Variants in PKD1L1 observed in about 807,000 individuals in gnomAD.
PKD1L1 encodes the protein polycystin 1 like 1, transient receptor potential channel interacting.
PKD1L1 carries 236 observed loss-of-function variants against 323.4 expected under a neutral mutation model. The observed-to-expected ratio is 0.73, with a 90% CI of 0.66 to 0.81. PKD1L1 has a LOEUF of 0.81. Ranked by LOEUF, PKD1L1 falls within the 40% of genes least tolerant of loss-of-function variation. The pLI is 0.00. For missense variants in PKD1L1, 3,320 were observed against 3,508.0 expected (o/e 0.95, Z 1.35); for synonymous variants, 1,344 against 1,335.0 (o/e 1.01, Z -0.15).
chr7:47,846,018 G>A (rs1292011810), intron 32 of PKD1L1, among the ~76,000 whole-genome samples: 1 of 152,222 alleles, frequency 6.6e-6, no homozygotes, highest in Non-Finnish European at 1.5e-5. Flanking sequence ...TTACCAGTAA[G>A]TTTGGATGTG....
chr7:47,960,326 G>C, the PKD1L1 span, among the ~76,000 whole-genome samples: 1 of 130,342 alleles, frequency 7.7e-6, no homozygotes, highest in African/African-American at 3.0e-5. Flanking sequence ...CTATGACCCT[G>C]CCAAATCCCC....
At chr7:47,910,863 T>TGTGTGTGTGTGTGTGTGTGTG (rs1554411357) in intron 8 of PKD1L1, among the ~76,000 whole-genome samples, 2 of 150,940 alleles carry the variant, frequency 1.3e-5, no homozygotes, top group African/African-American at 4.9e-5. Flanking sequence ...TGTGTGTGTA[T>TGTGTGTGTGTGTGTGTGTGTG]TTTTAGTAGA....
intron 30 of PKD1L1, 58 bp from the exon 31 acceptor site, chr7:47,853,285 T>C (rs1785821899): frequency 1.6e-6 from 2 of 1,234,590 alleles, no homozygotes; most frequent in South Asian, 1.2e-5. Flanking sequence ...TCAAAGGTTT[T>C]AGTCAAATTT....
the PKD1L1 span, among the ~76,000 whole-genome samples, chr7:47,955,705 C>T: frequency 6.6e-6 from 1 of 152,102 alleles, no homozygotes; most frequent in Non-Finnish European, 1.5e-5. Flanking sequence ...TGATTATAAC[C>T]TTTGTGTAAA....
intron 24 of PKD1L1, among the ~76,000 whole-genome samples, chr7:47,871,266 T>C (rs1273514258): frequency 6.6e-6 from 1 of 152,186 alleles, no homozygotes; most frequent in Non-Finnish European, 1.5e-5. Flanking sequence ...TTTGTGCTAT[T>C]ATAATAAAAT....
At chr7:47,854,285 A>G (rs2128741425) in intron 30 of PKD1L1, among the ~76,000 whole-genome samples, 1 of 152,292 alleles carries the variant, frequency 6.6e-6, no homozygotes, top group East Asian at 1.9e-4. Context: ...TCTTTGCCAC[A>G]TAGACTAAAC....
Position 47,885,807 on chromosome 7 carries a change from C to T in PKD1L1, c.3084G>A (p.Leu1028=). The change falls in exon 18 of 57, where the codon CTG becomes CTA. Residue 1028 remains leucine, a synonymous_variant. Coordinates refer to ENST00000289672, the MANE Select transcript of PKD1L1 (RefSeq NM_138295.5). Reference sequence around the variant, plus strand: ...GTGAACCTTCCTCTGGAGCCTCCCCCAGGACTGCAGAGTCCCCCGCAGGAG... The same window carrying T: ...GTGAACCTTCCTCTGGAGCCTCCCCTAGGACTGCAGAGTCCCCCGCAGGAG... ...WIPPAGDSAV[L]GEAPEEGSLD... 2 of 1,614,238 alleles carry T rather than the reference C, an allele frequency of 1.2e-6. No individual in the cohort carries two copies. Among genetic ancestry groups the T allele is most frequent in the Non-Finnish European group, 1.7e-6 (2 of 1,180,050 alleles).
At chr7:47,937,171 T>C (rs945594574) in intron 3 of PKD1L1, among the ~76,000 whole-genome samples, 1 of 146,710 alleles carries the variant, frequency 6.8e-6, no homozygotes, top group Non-Finnish European at 1.5e-5. Context: ...AAAGCAAACA[T>C]GTAGCCATAA....
the PKD1L1 span, among the ~76,000 whole-genome samples, chr7:47,960,606 C>T: frequency 7.3e-5 from 11 of 149,944 alleles, no homozygotes; most frequent in Admixed American, 2.7e-4. Flanking sequence ...GAGTGTGTGA[C>T]GGTAGATTAT....
chr7:47,888,167 G>C lies in PKD1L1; in HGVS notation c.2676-17C>G. The C allele has an allele frequency of 6.2e-7, 1 of 1,601,710 alleles. No homozygotes were observed. Among genetic ancestry groups the C allele is most frequent in the East Asian group, 2.2e-5 (1 of 44,648 alleles). On this transcript the variant is annotated splice_polypyrimidine_tract_variant and intron_variant, in intron 16 of 56. Coordinates refer to ENST00000289672, the MANE Select transcript of PKD1L1 (RefSeq NM_138295.5). Reference sequence around the variant, plus strand: ...TGGACGAATCTGAAATATATAAATTGGCTTGAGATCTTAGGAAAATAATGT... The same window carrying C: ...TGGACGAATCTGAAATATATAAATTCGCTTGAGATCTTAGGAAAATAATGT...
chr7:47,927,175 A>G (rs1409563764), intron 7 of PKD1L1, among the ~76,000 whole-genome samples: 6 of 152,178 alleles, frequency 3.9e-5, no homozygotes, highest in East Asian at 1.9e-4. Flanking sequence ...AGGTTGATAA[A>G]GTATACTTAA....
intron 45 of PKD1L1, 40 bp from the exon 46 acceptor site, chr7:47,821,226 T>G: frequency 4.0e-6 from 5 of 1,252,650 alleles, no homozygotes; most frequent in Non-Finnish European, 5.8e-6. Flanking sequence ...ATACAGACCC[T>G]GTATGTAGGT....
chr7:47,849,892 C>A (rs2128740292), intron 31 of PKD1L1, among the ~76,000 whole-genome samples: 1 of 152,250 alleles, frequency 6.6e-6, no homozygotes, highest in South Asian at 2.1e-4. Flanking sequence ...AGTTGGAGAC[C>A]ATTATTCTAA....
intron 20 of PKD1L1, among the ~76,000 whole-genome samples, chr7:47,881,231 G>A (rs1329893326): frequency 1.3e-5 from 2 of 152,058 alleles, no homozygotes; most frequent in Non-Finnish European, 2.9e-5. Flanking sequence ...ACTGCTGACC[G>A]TGGTGACTGG....
chr7:47,805,356 G>A (rs897825367), intron 52 of PKD1L1, among the ~76,000 whole-genome samples: 5 of 152,216 alleles, frequency 3.3e-5, no homozygotes, highest in African/African-American at 1.2e-4. Context: ...TCTTGAAGAT[G>A]ACTCGTTCTT....
At chr7:47,802,622 C>A (rs1218533253) in intron 53 of PKD1L1, among the ~76,000 whole-genome samples, 1 of 152,236 alleles carries the variant, frequency 6.6e-6, no homozygotes, top group Non-Finnish European at 1.5e-5. Flanking sequence ...CTTTGCTGTA[C>A]TAGGGCCTGT....
intron 54 of PKD1L1, among the ~76,000 whole-genome samples, chr7:47,799,844 T>C (rs967587656): frequency 2.0e-5 from 3 of 152,028 alleles, no homozygotes; most frequent in East Asian, 3.9e-4. Flanking sequence ...AAGTGATGAG[T>C]CCCACCCTTG....
chr7:47,884,011 G>A lies in PKD1L1; in HGVS notation c.3265+587C>T, dbSNP rs144191070. Among the ~76,000 whole-genome samples, 116 of 152,308 alleles carry A rather than the reference G, an allele frequency of 7.6e-4. No homozygotes were observed. The East Asian group carries it at 0.018, about 23-fold the overall frequency. On this transcript the variant is annotated intron_variant, in intron 19 of 56. Coordinates refer to ENST00000289672, the MANE Select transcript of PKD1L1 (RefSeq NM_138295.5). ...ACTGAGTGCCAATGTGCCAGGGACC[G>A]TGATCCATCTGGGAACATAGCATAA... is the stretch of plus-strand genomic sequence containing the variant.
chr7:47,847,984 GATA>G, intron 31 of PKD1L1, among the ~76,000 whole-genome samples: 1 of 152,034 alleles, frequency 6.6e-6, no homozygotes, highest in Non-Finnish European at 1.5e-5. Flanking sequence ...AAAAAAAGTG[GATA>G]ATGGCTTTAA....
Sources: allele counts gnomAD v4.1 joint callset (sites outside exome capture counted in the v4.1 genomes callset), GRCh38; gene constraint gnomAD v4.1.1; transcripts MANE v1.5; gene names NCBI Gene and HGNC (gene_info 2026-07-23, HGNC 2026-07-21).